Variants in ADAM32 observed in about 807,000 individuals in gnomAD.
ADAM32 encodes ADAM metallopeptidase domain 32.
Under a neutral mutation model 114.9 loss-of-function variants are expected in ADAM32, and 89 were observed. That is an observed-to-expected ratio of 0.77 (90% CI 0.65 to 0.92). The LOEUF (loss-of-function observed/expected upper bound fraction) is 0.92, where lower values mean the gene tolerates loss of function less well. Ranked by LOEUF, ADAM32 falls within the 40% of genes least tolerant of loss-of-function variation. The pLI, the probability that ADAM32 is intolerant of heterozygous loss-of-function variation, is 0.00. For synonymous variants in ADAM32, 285 were observed against 307.5 expected (o/e 0.93, Z 0.77); for missense variants, 870 against 932.8 (o/e 0.93, Z 0.88).
chr8:39,267,071 G>T (rs1812413185), intron 19 of ADAM32, among the ~76,000 whole-genome samples: 1 of 152,214 alleles, frequency 6.6e-6, no homozygotes, highest in Non-Finnish European at 1.5e-5. Flanking sequence ...CCCTCCAATG[G>T]GGGCTGCCAG....
At chr8:39,242,919 A>C (rs1428352206) in intron 16 of ADAM32, among the ~76,000 whole-genome samples, 1 of 152,234 alleles carries the variant, frequency 6.6e-6, no homozygotes, top group African/African-American at 2.4e-5. Flanking sequence ...AGAAAGTTCT[A>C]AATAAGCTCA....
At chr8:39,116,262 T>A (rs918699790) in intron 1 of ADAM32, among the ~76,000 whole-genome samples, 2 of 152,234 alleles carry the variant, frequency 1.3e-5, no homozygotes, top group African/African-American at 2.4e-5. Context: ...TTTTTTCTAA[T>A]TCTGTGAAAA....
At chr8:39,149,149 A>C (rs764217283) in intron 4 of ADAM32, among the ~76,000 whole-genome samples, 1 of 152,200 alleles carries the variant, frequency 6.6e-6, no homozygotes, top group Non-Finnish European at 1.5e-5. Flanking sequence ...ATTAACTTTA[A>C]AAAACTTTTT....
intron 14 of ADAM32, among the ~76,000 whole-genome samples, chr8:39,229,570 A>G (rs1809600370): frequency 6.6e-6 from 1 of 152,216 alleles, no homozygotes; most frequent in Non-Finnish European, 1.5e-5. Context: ...GACAAAACAA[A>G]CTTTAAAGCA....
At chr8:39,254,055 A>G (rs1333225425) in intron 17 of ADAM32, among the ~76,000 whole-genome samples, 1 of 151,638 alleles carries the variant, frequency 6.6e-6, no homozygotes, top group Non-Finnish European at 1.5e-5. Flanking sequence ...ATGGATGAAA[A>G]TAGCTCAAAG....
chr8:39,248,275 T>G (rs1007215683), intron 17 of ADAM32, among the ~76,000 whole-genome samples: 1 of 152,346 alleles, frequency 6.6e-6, no homozygotes, highest in African/African-American at 2.4e-5. Context: ...TAGATCAAGT[T>G]AGTAAGAACT....
intron 16 of ADAM32, among the ~76,000 whole-genome samples, chr8:39,239,642 T>C (rs1005908049): frequency 1.3e-5 from 2 of 152,174 alleles, no homozygotes; most frequent in Admixed American, 1.3e-4. Context: ...GCAGAATGTA[T>C]AATAATTCAC....
At chr8:39,143,245 C>T (rs549557152) in intron 3 of ADAM32, among the ~76,000 whole-genome samples, 6 of 152,252 alleles carry the variant, frequency 3.9e-5, no homozygotes, top group African/African-American at 1.4e-4. Flanking sequence ...AATTTTGTTC[C>T]CTGGCTGGCG....
intron 15 of ADAM32, 34 bp downstream of exon 15, chr8:39,232,169 ATATTC>A (rs1809783162): frequency 6.6e-7 from 1 of 1,512,488 alleles, no homozygotes; most frequent in African/African-American, 1.4e-5. Context: ...TACTTTTCTT[ATATTC>A]TATTAGATTT....
intron 1 of ADAM32, among the ~76,000 whole-genome samples, chr8:39,111,210 C>T (rs566534152): frequency 6.6e-6 from 1 of 152,216 alleles, no homozygotes; most frequent in South Asian, 2.1e-4. Context: ...CCTTCATGTA[C>T]CAGTTTTTGT....
intron 19 of ADAM32, among the ~76,000 whole-genome samples, chr8:39,259,319 C>G (rs1811863611): frequency 6.6e-6 from 1 of 152,064 alleles, no homozygotes; most frequent in Non-Finnish European, 1.5e-5. Context: ...CCTGCCCCAG[C>G]CTCCCCAGAA....
Position 39,160,895 on chromosome 8 carries a change from A to T in ADAM32, c.526-2A>T. 2 of 1,584,646 alleles carry T rather than the reference A, an allele frequency of 1.3e-6. No individual in the cohort carries two copies. Among genetic ancestry groups the T allele is most frequent in the East Asian group, 4.5e-5 (2 of 44,300 alleles). On this transcript the variant is annotated splice_acceptor_variant, in intron 6 of 24. Coordinates refer to ENST00000379907, the MANE Select transcript of ADAM32 (RefSeq NM_145004.7). LOFTEE classifies it high-confidence loss of function. ...ATTATATGCTGTTTTCCTTTTTTCT[A>T]GTCAGAACCAGCTGTTCCAGATTTA...
intron 19 of ADAM32, among the ~76,000 whole-genome samples, chr8:39,260,492 A>G (rs1249746725): frequency 1.3e-5 from 2 of 152,096 alleles, no homozygotes; most frequent in Non-Finnish European, 2.9e-5. Context: ...ATGTTGAGGT[A>G]TATTTCTTCT....
chr8:39,275,790 T>A, intron 21 of ADAM32, 38 bp from the exon 22 acceptor site: 5 of 1,538,052 alleles, frequency 3.3e-6, no homozygotes, highest in Non-Finnish European at 4.4e-6. Flanking sequence ...TTGTGTTAAG[T>A]ATTAACGTGG....
At chr8:39,231,357 TAAC>T (rs1564645893) in intron 14 of ADAM32, among the ~76,000 whole-genome samples, 2 of 109,788 alleles carry the variant, frequency 1.8e-5, no homozygotes, top group Non-Finnish European at 3.7e-5. Flanking sequence ...ACTGAACTAC[TAAC>T]AACCAGTGAC....
chr8:39,261,175 G>C (rs1201955840), intron 19 of ADAM32, among the ~76,000 whole-genome samples: 1 of 151,984 alleles, frequency 6.6e-6, no homozygotes, highest in Admixed American at 6.6e-5. Context: ...CGCATATCTC[G>C]CTGTAACTTT....
intron 22 of ADAM32, among the ~76,000 whole-genome samples, chr8:39,279,561 C>T (rs918271837): frequency 6.6e-6 from 1 of 152,312 alleles, no homozygotes; most frequent in Admixed American, 6.5e-5. Context: ...TGATTGCAGG[C>T]GTGAGCCACC....
rs756255905 is a variant in ADAM32, at chr8:39,231,271, A to G, written c.1526-756A>G. 8.9e-4 allele frequency among the ~76,000 whole-genome samples: 135 copies of G among 152,114 alleles called. 1 individual carries two copies. The highest frequency in any genetic ancestry group is 1.3e-3 in the Non-Finnish European group (89 of 68,006). On this transcript the variant is annotated intron_variant, in intron 14 of 24. Coordinates refer to ENST00000379907, the MANE Select transcript of ADAM32 (RefSeq NM_145004.7). The stretch of plus-strand genomic sequence containing the variant: ...CTGCTGTGTTCTGAGGTGCCATGTG[A>G]CTAGGACCTGTAAGGAACTTCTAAG...
chr8:39,281,591 TAGGA>T (rs1351025685), intron 23 of ADAM32, among the ~76,000 whole-genome samples: 4 of 152,174 alleles, frequency 2.6e-5, no homozygotes, highest in Non-Finnish European at 5.9e-5. Context: ...TATTTCCACT[TAGGA>T]AGAGTTTAGG....
Sources: gnomAD v4.1 joint callset for allele counts (sites outside exome capture counted in the v4.1 genomes callset) on GRCh38, gnomAD v4.1.1 for gene constraint, MANE v1.5 for transcripts, NCBI Gene and HGNC (gene_info 2026-07-23, HGNC 2026-07-21) for gene names.